SKAP2: variants seen among roughly 807,000 people sequenced by gnomAD.
SKAP2 encodes src kinase-associated phosphoprotein 2.
SKAP2 carries 28 observed loss-of-function variants against 54.9 expected under a neutral mutation model. The observed-to-expected ratio is 0.51, with a 90% CI of 0.38 to 0.70. The LOEUF is 0.70. SKAP2 is among the 30% of genes least tolerant of loss of function. The pLI is 0.00. For missense variants in SKAP2, 356 were observed against 424.1 expected (o/e 0.84, Z 1.41); for synonymous variants, 137 against 134.3 (o/e 1.02, Z -0.14).
At chr7:26,823,736 C>A (rs1784431437) in intron 4 of SKAP2, among the ~76,000 whole-genome samples, 1 of 152,132 alleles carries the variant, frequency 6.6e-6, no homozygotes, top group African/African-American at 2.4e-5. Context: ...TTGAGGGGTG[C>A]AGGACATCAA....
At chr7:26,813,123 A>T (rs959367595) in intron 4 of SKAP2, among the ~76,000 whole-genome samples, 4 of 150,120 alleles carry the variant, frequency 2.7e-5, no homozygotes, top group Admixed American at 6.7e-5. Flanking sequence ...ATTTTTTTAA[A>T]AATTATTAGT....
chr7:26,763,947 T>C (rs1782987531), intron 4 of SKAP2, among the ~76,000 whole-genome samples: 1 of 152,170 alleles, frequency 6.6e-6, no homozygotes, highest in African/African-American at 2.4e-5. Context: ...TATAAGACCA[T>C]CATCAACTAT....
intron 4 of SKAP2, among the ~76,000 whole-genome samples, chr7:26,814,902 A>G (rs1784233877): frequency 6.6e-6 from 1 of 152,166 alleles, no homozygotes; most frequent in Non-Finnish European, 1.5e-5. Flanking sequence ...TTAGAAACAA[A>G]TAGGTCAAAT....
At chr7:26,664,461 ATTTG>A (rs975113559), downstream of SKAP2, among the ~76,000 whole-genome samples, 104 of 152,170 alleles carry the variant, frequency 6.8e-4, no homozygotes, top group African/African-American at 2.4e-3. Flanking sequence ...GAATCTGCTT[ATTTG>A]TTGGAATTTT....
At chr7:26,859,000 A>G (rs1785229203) in intron 1 of SKAP2, among the ~76,000 whole-genome samples, 1 of 152,082 alleles carries the variant, frequency 6.6e-6, no homozygotes. Context: ...ATGCATATAC[A>G]CACACTCAGC....
Position 26,667,474 on chromosome 7 carries a change from C to A in SKAP2, c.*2192G>T, listed in dbSNP as rs1786125175. On this transcript the variant is annotated 3_prime_UTR_variant, in exon 13 of 13. Coordinates refer to ENST00000345317, the MANE Select transcript of SKAP2 (RefSeq NM_003930.5). ...GTAATGATTATTTGTCCTGTCACTC[C>A]AGTTTTAAGTCTTTTCTTTCCTTTC... 6.6e-6 allele frequency: 1 copy of A among 152,462 alleles called. No homozygotes were observed. The allele number at this position is 152,462 out of a possible 1,614,324, so 9.4% of individuals were successfully genotyped here.
chr7:26,760,439 G>A (rs1782900925), intron 4 of SKAP2, among the ~76,000 whole-genome samples: 1 of 151,968 alleles, frequency 6.6e-6, no homozygotes, highest in Admixed American at 6.6e-5. Flanking sequence ...TATGTTCCAA[G>A]GCCCCCAGTG....
chr7:26,669,987 G>T, intron 12 of SKAP2, 104 bp downstream of exon 12: 1 of 479,826 alleles, frequency 2.1e-6, no homozygotes. Flanking sequence ...CAATCTTTGT[G>T]TTATCAGAAA....
At chr7:26,796,979 T>C (rs759898221) in intron 4 of SKAP2, among the ~76,000 whole-genome samples, 1 of 152,178 alleles carries the variant, frequency 6.6e-6, no homozygotes, top group Non-Finnish European at 1.5e-5. Flanking sequence ...ATGGTCATAA[T>C]AGGTTAAGAT....
intron 11 of SKAP2, among the ~76,000 whole-genome samples, chr7:26,676,797 T>G (rs1201029935): frequency 6.6e-6 from 1 of 152,090 alleles, no homozygotes; most frequent in Non-Finnish European, 1.5e-5. Flanking sequence ...GGGAAAAAGT[T>G]TGTAAAAAGA....
At chr7:26,656,616 T>A in the SKAP2 span, among the ~76,000 whole-genome samples, 1 of 152,156 alleles carries the variant, frequency 6.6e-6, no homozygotes, top group Non-Finnish European at 1.5e-5. Context: ...AAAAATATTA[T>A]ACAAACCCCA....
intron 4 of SKAP2, among the ~76,000 whole-genome samples, chr7:26,790,485 G>C (rs1783651697): frequency 6.6e-6 from 1 of 152,092 alleles, no homozygotes; most frequent in Non-Finnish European, 1.5e-5. Context: ...AGTTATTTAA[G>C]AACAAACCAG....
At chr7:26,682,181 A>G (rs559650653) in intron 11 of SKAP2, among the ~76,000 whole-genome samples, 1 of 152,334 alleles carries the variant, frequency 6.6e-6, no homozygotes, top group East Asian at 1.9e-4. Context: ...TCACATATTA[A>G]ATGAATTTAT....
intron 4 of SKAP2, among the ~76,000 whole-genome samples, chr7:26,748,878 T>C (rs1782615656): frequency 6.6e-6 from 1 of 152,158 alleles, no homozygotes; most frequent in African/African-American, 2.4e-5. Flanking sequence ...TACATTCAGA[T>C]TGCAGGATAG....
At chr7:26,742,292 G>GCTCACAAACATT (rs1291940959) in intron 4 of SKAP2, 7 of 152,096 alleles carry the variant, frequency 4.6e-5, no homozygotes, top group African/African-American at 1.7e-4. Context: ...AGGAATGGAT[G>GCTCACAAACATT]CTCACAAAAT....
At chr7:26,749,719 G>C (rs1782639475) in intron 4 of SKAP2, among the ~76,000 whole-genome samples, 2 of 149,082 alleles carry the variant, frequency 1.3e-5, no homozygotes, top group Admixed American at 6.8e-5. Flanking sequence ...CTGGGTGACA[G>C]AGTGAGACCC....
In SKAP2 at chr7:26,667,076, C is replaced by T. The variant is rs1786116336; in HGVS notation, c.*2590G>A. 1 of 152,082 alleles carries T rather than the reference C, an allele frequency of 6.6e-6. No homozygotes were observed. Among genetic ancestry groups the T allele is most frequent in the Non-Finnish European group, 1.5e-5 (1 of 68,004 alleles). The allele number at this position is 152,082 out of a possible 1,614,324, so 9.4% of individuals were successfully genotyped here. ...TATTAGCATCATAACAGTTTGCAAA[C>T]AATTAAACTTTATTTGAACCTTAAA... On this transcript the variant is annotated 3_prime_UTR_variant, in exon 13 of 13. Transcript: ENST00000345317.
At chr7:26,852,896 CATA>C (rs1194687857) in intron 3 of SKAP2, among the ~76,000 whole-genome samples, 2 of 152,052 alleles carry the variant, frequency 1.3e-5, no homozygotes, top group African/African-American at 4.8e-5. Flanking sequence ...AAGTATACTA[CATA>C]ATAAAAGTTA....
At chr7:26,690,428 T>C (rs1786757493) in intron 9 of SKAP2, 66 bp from the exon 10 acceptor site, 1 of 1,002,694 alleles carries the variant, frequency 1.0e-6, no homozygotes. Context: ...CAGTACTCAC[T>C]CAATTTTAAA....
Sources: gnomAD v4.1 joint callset for allele counts (sites outside exome capture counted in the v4.1 genomes callset) on GRCh38, gnomAD v4.1.1 for gene constraint, MANE v1.5 for transcripts, NCBI Gene and HGNC (gene_info 2026-07-23, HGNC 2026-07-21) for gene names.